CTSH: variants seen among roughly 807,000 people sequenced by gnomAD.
CTSH encodes the protein cathepsin H, also known as pro-cathepsin H.
CTSH carries 52 observed loss-of-function variants against 56.3 expected under a neutral mutation model. The ratio of observed to expected loss-of-function variants is 0.92; its 90% CI spans 0.74 to 1.16. CTSH has a LOEUF of 1.16. Ranked by LOEUF, CTSH falls within the 50% of genes most tolerant of loss-of-function variation. CTSH has a pLI of 0.00. For missense variants in CTSH, 406 were observed against 424.5 expected (o/e 0.96, Z 0.38); for synonymous variants, 174 against 155.7 (o/e 1.12, Z -0.88).
At chr15:78,928,686 G>A (rs190310063) in intron 8 of CTSH, among the ~76,000 whole-genome samples, 11 of 152,236 alleles carry the variant, frequency 7.2e-5, no homozygotes, top group Middle Eastern at 3.4e-3. Flanking sequence ...CGAGGCAGGC[G>A]TGGGGTCTGA....
rs574176676 is a variant in CTSH, at chr15:78,929,280, A to G, written c.630+132T>C. On this transcript the variant is annotated intron_variant, in intron 8 of 11. Coordinates refer to ENST00000220166, the MANE Select transcript of CTSH (RefSeq NM_004390.5). ...TGGAGGAGGGGAAGGAAGAATTTGG[A>G]GAGAACAGACAATTGTGAGAATTCC... 83 of 734,790 alleles carry G rather than the reference A, an allele frequency of 1.1e-4. No individual in the cohort carries two copies. The African/African-American group carries it at 1.3e-3, about 12-fold the overall frequency. The allele number at this position is 734,790 out of a possible 1,614,324, so 45.5% of individuals were successfully genotyped here. A position where few individuals can be genotyped will look rare whatever the true frequency, so the allele number is the denominator to read the frequency against.
intron 10 of CTSH, among the ~76,000 whole-genome samples, chr15:78,924,722 C>T (rs2054864182): frequency 6.7e-6 from 1 of 149,700 alleles, no homozygotes; most frequent in East Asian, 1.9e-4. Context: ...CAGAGCTTTG[C>T]TCTGTCACCA....
At chr15:78,937,618 G>A (rs1596287360) in intron 2 of CTSH, 195 bp from the exon 3 acceptor site, 1 of 1,063,968 alleles carries the variant, frequency 9.4e-7, no homozygotes, top group South Asian at 1.9e-5. Context: ...AGGGACCTGT[G>A]GCCAGAATGA....
At chr15:78,944,721 G>A (rs1027649020) in intron 1 of CTSH, 170 bp downstream of exon 1, 1 of 1,236,146 alleles carries the variant, frequency 8.1e-7, no homozygotes, top group South Asian at 2.3e-5. Flanking sequence ...GAGAACCCCC[G>A]CCTATAATGC....
chr15:78,941,507 C>G (rs904228705), intron 1 of CTSH, among the ~76,000 whole-genome samples: 1 of 122,336 alleles, frequency 8.2e-6, no homozygotes, highest in African/African-American at 3.1e-5. Flanking sequence ...AAAATTTATT[C>G]TGGAGCTGGG....
chr15:78,944,349 G>T (rs1395396305), intron 1 of CTSH, among the ~76,000 whole-genome samples: 2 of 152,186 alleles, frequency 1.3e-5, no homozygotes, highest in Non-Finnish European at 2.9e-5. Context: ...TGACGCCATG[G>T]GCCCTGGGGT....
At chr15:78,937,093 C>T in intron 3 of CTSH, 1 of 537,282 alleles carries the variant, frequency 1.9e-6, no homozygotes, top group Non-Finnish European at 3.3e-6. Flanking sequence ...TCTACAGAGT[C>T]TCTTGTAAAC....
intron 1 of CTSH, among the ~76,000 whole-genome samples, chr15:78,939,767 A>G (rs916242325): frequency 6.6e-6 from 1 of 152,168 alleles, no homozygotes; most frequent in Non-Finnish European, 1.5e-5. Flanking sequence ...TGTGCCTGTA[A>G]TCCCAGCTAC....
chr15:78,932,682 T>C (rs1329318532), intron 5 of CTSH, among the ~76,000 whole-genome samples: 1 of 150,372 alleles, frequency 6.7e-6, no homozygotes, highest in Non-Finnish European at 1.5e-5. Context: ...CCATTCATTC[T>C]GAGCCTCGCA....
intron 6 of CTSH, chr15:78,932,056 G>A: frequency 8.1e-7 from 1 of 1,237,630 alleles, no homozygotes; most frequent in African/African-American, 1.5e-5. Flanking sequence ...GAAGGGTGTA[G>A]CTCCTAGTTG....
chr15:78,924,416 A>T (rs1006830333), intron 10 of CTSH, among the ~76,000 whole-genome samples: 1 of 152,218 alleles, frequency 6.6e-6, no homozygotes, highest in South Asian at 2.1e-4. Flanking sequence ...TCCAAGGACA[A>T]TGGTGACCAG....
chr15:78,927,648 G>C, intron 9 of CTSH, 65 bp downstream of exon 9: 1 of 1,462,508 alleles, frequency 6.8e-7, no homozygotes, highest in Admixed American at 1.7e-5. Flanking sequence ...CTGGCTATCC[G>C]ACAGCATGAG....
intron 10 of CTSH, among the ~76,000 whole-genome samples, chr15:78,925,007 T>A (rs1407850524): frequency 1.3e-5 from 2 of 151,982 alleles, no homozygotes; most frequent in Non-Finnish European, 2.9e-5. Context: ...GAACATGGGT[T>A]TTTTTTAAAC....
chr15:78,937,338 T>C lies in CTSH; in HGVS notation c.209A>G (p.Asn70Ser), dbSNP rs1438048250. 8.1e-6 allele frequency: 13 copies of C among 1,613,606 alleles called. No homozygotes were observed. The highest frequency in any genetic ancestry group is 1.3e-5 in the African/African-American group (1 of 74,870). Residue 70 changes from asparagine to serine, a missense_variant, in exon 3 of 12, where the codon AAT becomes AGT. Physicochemically the swap from Asn to Ser is conservative, Grantham distance 46 (BLOSUM62 1). Transcript: ENST00000220166. ...SNWRKINAHN[N>S]GNHTFKMALN... ...CGTACTTTTAAATGTGTGGTTCCCA[T>C]TGTTGTGGGCGTTTATCTTCCTCCA...
At chr15:78,930,166 G>A (rs1356076886) in intron 7 of CTSH, among the ~76,000 whole-genome samples, 1 of 152,208 alleles carries the variant, frequency 6.6e-6, no homozygotes, top group Non-Finnish European at 1.5e-5. Context: ...CACAGCGGGT[G>A]CTCTGTGATA....
intron 7 of CTSH, among the ~76,000 whole-genome samples, chr15:78,931,055 TG>T (rs1319498442): frequency 3.3e-5 from 5 of 152,164 alleles, no homozygotes; most frequent in Non-Finnish European, 7.4e-5. Flanking sequence ...CTTGGGAGGC[TG>T]GGACTTTAGT....
chr15:78,940,982 A>G (rs946666840), intron 1 of CTSH, among the ~76,000 whole-genome samples: 5 of 151,994 alleles, frequency 3.3e-5, no homozygotes, highest in African/African-American at 1.2e-4. Context: ...CAAAACAAAA[A>G]AGAGTCAGAT....
At chr15:78,927,606 G>C in intron 9 of CTSH, 107 bp downstream of exon 9, 1 of 937,900 alleles carries the variant, frequency 1.1e-6, no homozygotes, top group Non-Finnish European at 1.7e-6. Context: ...TCAAAGGGAT[G>C]TGCTGCCAGA....
intron 10 of CTSH, 119 bp downstream of exon 10, chr15:78,925,215 C>G (rs2054876630): frequency 4.6e-6 from 3 of 653,950 alleles, no homozygotes; most frequent in Non-Finnish European, 8.3e-6. Context: ...TGGCAGGTGT[C>G]ATGAAGGGTC....
Sources: gnomAD v4.1 joint callset for allele counts (sites outside exome capture counted in the v4.1 genomes callset) on GRCh38, gnomAD v4.1.1 for gene constraint, MANE v1.5 for transcripts, NCBI Gene and HGNC (gene_info 2026-07-23, HGNC 2026-07-21) for gene names.